The following IFT43 variants were observed in gnomAD, a reference collection of about 807,000 sequenced individuals.
IFT43 encodes intraflagellar transport 43.
Under a neutral mutation model 32.3 loss-of-function variants are expected in IFT43, and 33 were observed. The ratio of observed to expected loss-of-function variants is 1.02; its 90% CI spans 0.77 to 1.37. The LOEUF (loss-of-function observed/expected upper bound fraction) is 1.37, where lower values mean the gene tolerates loss of function less well. Among genes scored for constraint, IFT43 ranks in the 40% most tolerant of loss-of-function variants. The probability of loss-of-function intolerance (pLI) is 0.00; values close to 1 mark genes in which losing one functional copy is unlikely to be tolerated. For synonymous variants in IFT43, 93 were observed against 98.2 expected, an observed-to-expected ratio of 0.95 and a Z score of 0.31; for missense variants, 274 against 265.9, an observed-to-expected ratio of 1.03 and a Z score of -0.21.
intron 3 of IFT43, among the ~76,000 whole-genome samples, chr14:76,043,359 T>C (rs1377604157): frequency 7.2e-6 from 1 of 139,742 alleles, no homozygotes; most frequent in Non-Finnish European, 1.6e-5. Flanking sequence ...GTGGGCAAGG[T>C]AGAGAAGAGC....
intron 5 of IFT43, among the ~76,000 whole-genome samples, chr14:76,062,272 A>T (rs1446779067): frequency 1.3e-5 from 2 of 151,814 alleles, no homozygotes; most frequent in African/African-American, 4.8e-5. Flanking sequence ...GGGTTTCACC[A>T]TGTTAGCCAG....
At chr14:76,040,582 T>C (rs1164049935) in intron 3 of IFT43, among the ~76,000 whole-genome samples, 1 of 152,234 alleles carries the variant, frequency 6.6e-6, no homozygotes, top group Non-Finnish European at 1.5e-5. Flanking sequence ...GTTATGTTCA[T>C]TGCAGTTTAA....
intron 2 of IFT43, among the ~76,000 whole-genome samples, chr14:76,014,850 T>G (rs2036153649): frequency 6.6e-6 from 1 of 152,194 alleles, no homozygotes. Flanking sequence ...GCTTCACCTT[T>G]GGACCCTGGA....
At chr14:76,029,819 C>T (rs1451067490) in intron 3 of IFT43, among the ~76,000 whole-genome samples, 1 of 149,572 alleles carries the variant, frequency 6.7e-6, no homozygotes, top group Non-Finnish European at 1.5e-5. Flanking sequence ...CCATTGGCCT[C>T]TGTGCCTATT....
chr14:76,051,878 G>A (rs1323521558), intron 3 of IFT43, among the ~76,000 whole-genome samples: 1 of 152,182 alleles, frequency 6.6e-6, no homozygotes, highest in African/African-American at 2.4e-5. Flanking sequence ...TGGGAATCAT[G>A]CAGGTGCCTT....
At chr14:76,003,310 C>A (rs2035923993) in intron 2 of IFT43, among the ~76,000 whole-genome samples, 1 of 151,726 alleles carries the variant, frequency 6.6e-6, no homozygotes, top group South Asian at 2.1e-4. Flanking sequence ...GCATCCTTAT[C>A]ACTGGTTACA....
intron 3 of IFT43, among the ~76,000 whole-genome samples, chr14:76,048,982 T>C (rs1023971019): frequency 1.3e-5 from 2 of 152,150 alleles, no homozygotes; most frequent in African/African-American, 4.8e-5. Context: ...TCACAGAATG[T>C]AAAAGAACAG....
intron 2 of IFT43, among the ~76,000 whole-genome samples, chr14:76,003,462 C>G (rs1372995136): frequency 6.6e-6 from 1 of 151,922 alleles, no homozygotes; most frequent in Non-Finnish European, 1.5e-5. Context: ...CCCGTCTCTA[C>G]TAAAAATACA....
intron 5 of IFT43, among the ~76,000 whole-genome samples, chr14:76,069,494 C>T (rs2037283172): frequency 6.6e-6 from 1 of 152,140 alleles, no homozygotes; most frequent in South Asian, 2.1e-4. Flanking sequence ...AGCTCTACCA[C>T]CCAATTCTCA....
intron 3 of IFT43, among the ~76,000 whole-genome samples, chr14:76,035,698 T>A (rs905575261): frequency 6.6e-6 from 1 of 152,216 alleles, no homozygotes; most frequent in Admixed American, 6.5e-5. Context: ...AGGCTGTCCA[T>A]CCCCATAGAA....
rs1162340507 is a variant in IFT43, at chr14:76,083,483, A to G, written c.533A>G (p.His178Arg). Reference protein sequence around the residue: ...REDDVGWDWDHLFTEVSSEVL... With the variant: ...REDDVGWDWDRLFTEVSSEVL... The stretch of plus-strand genomic sequence containing the variant: ...GATGATGTCGGCTGGGACTGGGACC[A>G]TCTGTTCACTGAGGTGTCCTCAGAG... Residue 178 changes from histidine to arginine, a missense_variant, in exon 9 of 9, where the codon CAT becomes CGT. Physicochemically the swap from His to Arg is conservative, Grantham distance 29. Coordinates refer to ENST00000314067, the MANE Select transcript of IFT43 (RefSeq NM_001102564.3). The G allele has an allele frequency of 6.2e-7, 1 of 1,614,146 alleles. No individual in the cohort carries two copies. Among genetic ancestry groups the G allele is most frequent in the South Asian group, 1.1e-5 (1 of 91,082 alleles).
At chr14:76,010,906 T>C (rs1483558395) in intron 2 of IFT43, among the ~76,000 whole-genome samples, 1 of 143,196 alleles carries the variant, frequency 7.0e-6, no homozygotes, top group Non-Finnish European at 1.5e-5. Flanking sequence ...CACTTCTCCT[T>C]TTTTTTTTTT....
At chr14:75,987,660 G>A (rs1566692142) in intron 1 of IFT43, among the ~76,000 whole-genome samples, 1 of 151,978 alleles carries the variant, frequency 6.6e-6, no homozygotes, top group East Asian at 1.9e-4. Flanking sequence ...TATTAATGCT[G>A]TTTTTTTTAA....
rs1469921894 is a variant in IFT43, at chr14:75,988,895, T to G, written c.65T>G (p.Met22Arg). ...RYSLATSRAK[M>R]GRRAQQESAQ... ...TGTTTCTCCTTACAGAGGGCCAAGA[T>G]GGGTCGCCGAGCTCAACAGGAGTCA... The change falls in exon 2 of 9, where the codon ATG (methionine) becomes AGG (arginine). Residue 22 changes from methionine to arginine, a missense_variant. Physicochemically the swap from Met to Arg is moderately conservative, Grantham distance 91. Coordinates refer to ENST00000314067, the MANE Select transcript of IFT43 (RefSeq NM_001102564.3). 6.2e-7 allele frequency: 1 copy of G among 1,613,798 alleles called. No individual in the cohort carries two copies. The highest frequency in any genetic ancestry group is 1.3e-5 in the African/African-American group (1 of 74,880).
At chr14:76,058,406 T>C in intron 3 of IFT43, 1 of 471,120 alleles carries the variant, frequency 2.1e-6, no homozygotes, top group African/African-American at 2.0e-5. Flanking sequence ...AACCTGCACT[T>C]ACACTCTCAA....
At chr14:76,001,598 C>T (rs188773495) in intron 2 of IFT43, among the ~76,000 whole-genome samples, 2 of 152,362 alleles carry the variant, frequency 1.3e-5, no homozygotes, top group Admixed American at 1.3e-4. Context: ...CCTGAGCAGG[C>T]TGGATCTTGA....
intron 2 of IFT43, among the ~76,000 whole-genome samples, chr14:75,999,259 A>ATATATATATTTTTT (rs2035824085): frequency 4.6e-5 from 1 of 21,572 alleles, no homozygotes; most frequent in Admixed American, 5.9e-4. Context: ...ATATATATAT[A>ATATATATATTTTTT]TATATATATA....
chr14:76,002,373 G>C (rs1451477104), intron 2 of IFT43, among the ~76,000 whole-genome samples: 1 of 152,130 alleles, frequency 6.6e-6, no homozygotes, highest in Non-Finnish European at 1.5e-5. Context: ...GTAAGGGGGG[G>C]GGTGGCATGA....
At position 75,988,884 on chromosome 14, in the gene IFT43, GA is replaced by G. The variant is rs745306714; in HGVS notation, c.55del (p.Arg19GlyfsTer26). 4 of 1,613,856 alleles carry G rather than the reference GA, an allele frequency of 2.5e-6. No individual in the cohort carries two copies. Among genetic ancestry groups the G allele is most frequent in the Non-Finnish European group, 3.4e-6 (4 of 1,180,022 alleles). On this transcript the variant is annotated frameshift_variant and splice_region_variant, in exon 2 of 9. Transcript: ENST00000314067. LOFTEE classifies it high-confidence loss of function. ...GCAGTGCCTTCTGTTTCTCCTTACA[GA>G]GGGCCAAGATGGGTCGCCGAGCTCA... ...EELRYSLATS[R>X]AKMGRRAQQE...
Sources: gnomAD v4.1 joint callset for allele counts (sites outside exome capture counted in the v4.1 genomes callset) on GRCh38, gnomAD v4.1.1 for gene constraint, MANE v1.5 for transcripts, NCBI Gene and HGNC (gene_info 2026-07-23, HGNC 2026-07-21) for gene names.